The following ZNF649 variants were observed in gnomAD, a reference collection of about 807,000 sequenced individuals.
The protein encoded by ZNF649 is zinc finger protein 649.
In ZNF649, 7 loss-of-function variants were observed where a neutral mutation model predicts 14.1. The observed-to-expected ratio is 0.49, with a 90% CI of 0.28 to 0.93. The LOEUF (loss-of-function observed/expected upper bound fraction) is 0.93, where lower values mean the gene tolerates loss of function less well. ZNF649 is among the 40% of genes least tolerant of loss of function. The pLI is 0.10. For synonymous variants in ZNF649, 227 were observed against 212.3 expected, an observed-to-expected ratio of 1.07 and a Z score of -0.60; for missense variants, 544 against 608.1, an observed-to-expected ratio of 0.89 and a Z score of 1.11.
intron 2 of ZNF649, chr19:51,897,344 T>C (rs1244781856): frequency 5.4e-6 from 1 of 185,472 alleles, no homozygotes; most frequent in Non-Finnish European, 1.1e-5. Flanking sequence ...TAAAATATTC[T>C]ATATTTTATA....
Position 51,901,452 on chromosome 19 carries a change from G to C in ZNF649, c.-187-1158C>G, listed in dbSNP as rs551106382. Among the ~76,000 whole-genome samples, 10 of 152,178 alleles carry C rather than the reference G, an allele frequency of 6.6e-5. No homozygotes were observed. The South Asian group carries it at 1.9e-3, about 28-fold the overall frequency. ...TTTAGTAAGTGATTAGGTCATGAGG[G>C]CTCCTCCCTTGTGAGTGGCATTAAG... On this transcript the variant is annotated intron_variant, in intron 1 of 4. Coordinates refer to ENST00000354957, the MANE Select transcript of ZNF649 (RefSeq NM_023074.4).
intron 2 of ZNF649, among the ~76,000 whole-genome samples, chr19:51,898,968 A>T (rs1018140887): frequency 6.6e-6 from 1 of 152,104 alleles, no homozygotes; most frequent in African/African-American, 2.4e-5. Context: ...CAGAATCTGG[A>T]GGTCGGGGGT....
At chr19:51,894,284 C>T (rs1240305267) in intron 4 of ZNF649, among the ~76,000 whole-genome samples, 1 of 152,120 alleles carries the variant, frequency 6.6e-6, no homozygotes, top group Non-Finnish European at 1.5e-5. Flanking sequence ...AGGCACGTGC[C>T]ACCACGCCTG....
Position 51,890,110 on chromosome 19 carries a change from G to C in ZNF649, c.*508C>G, listed in dbSNP as rs2085008346. 1 of 152,356 alleles carries C rather than the reference G, an allele frequency of 6.6e-6. No individual in the cohort carries two copies. The highest frequency in any genetic ancestry group is 1.5e-5 in the Non-Finnish European group (1 of 68,198). 9.4% of individuals were successfully genotyped at this position (152,356 alleles called of 1,614,324 possible). ...AGAGGTTAAAAATTACAATTTCTGA[G>C]AGAAAACATACTTTGGATGGGATTA... is the stretch of plus-strand genomic sequence containing the variant. On this transcript the variant is annotated 3_prime_UTR_variant, in exon 5 of 5. Transcript: ENST00000354957.
intron 2 of ZNF649, chr19:51,897,240 G>T: frequency 1.1e-5 from 4 of 367,244 alleles, no homozygotes; most frequent in South Asian, 3.2e-5. Context: ...ATTCAAGTTT[G>T]GATATAAGTG....
Position 51,900,204 on chromosome 19 carries a change from A to G in ZNF649, c.-97T>C. The G allele has an allele frequency of 9.6e-7, 1 of 1,042,462 alleles. No individual in the cohort carries two copies. 64.6% of individuals were successfully genotyped at this position (1,042,462 alleles called of 1,614,324 possible). ...TTTTGGCTAAGAAATCTGAGTCTCC[A>G]TTTAAGAGTGTTCCCAGAAATGATG... On this transcript the variant is annotated 5_prime_UTR_variant, in exon 2 of 5. The change abolishes an upstream ATG in the 5' untranslated region. Transcript: ENST00000354957.
At chr19:51,899,817 T>C (rs759036184) in intron 2 of ZNF649, 6 of 348,492 alleles carry the variant, frequency 1.7e-5, no homozygotes, top group African/African-American at 2.1e-5. Flanking sequence ...CTGGGTGTGA[T>C]GGTGGCCAAA....
chr19:51,904,234 T>G (rs984753500), intron 1 of ZNF649: 3 of 152,216 alleles, frequency 2.0e-5, no homozygotes, highest in Non-Finnish European at 4.4e-5. Context: ...CGTTCATTGC[T>G]CAAGGAAACT....
intron 4 of ZNF649, 94 bp downstream of exon 4, chr19:51,896,378 C>T: frequency 9.1e-7 from 1 of 1,096,182 alleles, no homozygotes; most frequent in East Asian, 2.4e-5. Flanking sequence ...CTGTTTCTGT[C>T]TCCCTAGACA....
At chr19:51,896,291 A>G in intron 4 of ZNF649, 181 bp downstream of exon 4, 2 of 545,668 alleles carry the variant, frequency 3.7e-6, no homozygotes, top group Non-Finnish European at 3.3e-6. Flanking sequence ...AAGAAGAGAT[A>G]AAGGGGTATG....
rs1178211052 is a variant in ZNF649, at chr19:51,889,438, T to C, written c.*1180A>G. The C allele has an allele frequency of 6.6e-6, 1 of 152,196 alleles. No homozygotes were observed. The highest frequency in any genetic ancestry group is 2.4e-5 in the African/African-American group (1 of 41,442). 9.4% of individuals were successfully genotyped at this position (152,196 alleles called of 1,614,324 possible). On this transcript the variant is annotated 3_prime_UTR_variant, in exon 5 of 5. Transcript: ENST00000354957. ...GGACTCTAAAACACAATCAAGGTGTTGGCAGGTCTAGTGTCCAGTGAGAGT... is the reference window on the plus strand; with the variant it reads ...GGACTCTAAAACACAATCAAGGTGTCGGCAGGTCTAGTGTCCAGTGAGAGT...
chr19:51,899,664 A>C (rs1599889288), intron 2 of ZNF649: 1 of 158,524 alleles, frequency 6.3e-6, no homozygotes, highest in Non-Finnish European at 1.4e-5. Flanking sequence ...TGTTAAGGAC[A>C]AAAAGTCTAT....
In ZNF649 at chr19:51,890,687, G is replaced by T. The variant is rs747221775; in HGVS notation, c.1449C>A (p.Ser483Arg). 1.2e-6 allele frequency: 2 copies of T among 1,614,144 alleles called. No individual in the cohort carries two copies. The highest frequency in any genetic ancestry group is 2.7e-5 in the African/African-American group (2 of 75,026). Residue 483 changes from serine to arginine, a missense_variant, in exon 5 of 5, where the codon AGC becomes AGA. Transcript: ENST00000354957. ...LSPSEHVQGK[S>R]PVNMVTVAMV... ...TTGCCACAGTTACCATATTAACAGG[G>T]CTTTTCCCCTGCACATGTTCACTAG...
At position 51,889,744 on chromosome 19, in the gene ZNF649, A is replaced by G. The variant is rs538359575; in HGVS notation, c.*874T>C. ...AAGGAATCAAATGACAAGGATTTAC[A>G]GTTAATAAGCCAACAAAGGAGACAA... On this transcript the variant is annotated 3_prime_UTR_variant, in exon 5 of 5. Coordinates refer to ENST00000354957, the MANE Select transcript of ZNF649 (RefSeq NM_023074.4). The G allele has an allele frequency of 6.6e-6, 1 of 152,378 alleles. No homozygotes were observed. The highest frequency in any genetic ancestry group is 1.9e-4 in the East Asian group (1 of 5,188). 9.4% of individuals were successfully genotyped at this position (152,378 alleles called of 1,614,324 possible). A position where few individuals can be genotyped will look rare whatever the true frequency, so the allele number is the denominator to read the frequency against.
At chr19:51,895,750 A>G (rs2085057792) in intron 4 of ZNF649, among the ~76,000 whole-genome samples, 1 of 151,502 alleles carries the variant, frequency 6.6e-6, no homozygotes, top group African/African-American at 2.4e-5. Flanking sequence ...ACATATAAAT[A>G]TATAAAGTAT....
intron 4 of ZNF649, among the ~76,000 whole-genome samples, chr19:51,893,791 CT>C (rs1410028230): frequency 6.6e-6 from 1 of 152,198 alleles, no homozygotes; most frequent in Non-Finnish European, 1.5e-5. Context: ...ACTTATGTCT[CT>C]GTTGGCATCG....
At chr19:51,903,389 G>A (rs1290238706) in intron 1 of ZNF649, among the ~76,000 whole-genome samples, 1 of 152,110 alleles carries the variant, frequency 6.6e-6, no homozygotes, top group African/African-American at 2.4e-5. Flanking sequence ...CCCGTCCTAA[G>A]GCCAGCCAGA....
At chr19:51,899,962 CAGTCTA>C (rs2085085810) in intron 2 of ZNF649, 125 bp downstream of exon 2, 1 of 654,612 alleles carries the variant, frequency 1.5e-6, no homozygotes, top group East Asian at 3.0e-5. Context: ...ATTAAAGGTA[CAGTCTA>C]AGTCTGTTTC....
chr19:51,898,095 C>CA (rs34792714), intron 2 of ZNF649, among the ~76,000 whole-genome samples: 918 of 84,230 alleles, frequency 0.011, 7 homozygotes, highest in East Asian at 0.025. Flanking sequence ...AAGACTGTCT[C>CA]AAAAAAAAAA....
Sources: gnomAD v4.1 joint callset for allele counts (sites outside exome capture counted in the v4.1 genomes callset) on GRCh38, gnomAD v4.1.1 for gene constraint, MANE v1.5 for transcripts, NCBI Gene and HGNC (gene_info 2026-07-23, HGNC 2026-07-21) for gene names.